GPC5: variants seen among roughly 807,000 people sequenced by gnomAD.
GPC5 encodes the protein glypican 5.
A neutral mutation model predicts 53.9 loss-of-function variants in GPC5; 47 were observed. The ratio of observed to expected loss-of-function variants is 0.87; its 90% confidence interval spans 0.69 to 1.11. The LOEUF is 1.11. Among genes scored for constraint, GPC5 ranks in the 50% most tolerant of loss-of-function variants. The pLI is 0.00. For missense variants in GPC5, 748 were observed against 713.1 expected (o/e 1.05, Z -0.56); for synonymous variants, 286 against 263.3 (o/e 1.09, Z -0.84).
rs566035405 is a variant in GPC5, at chr13:92,597,925, T to A, written c.1562-268357T>A. Among the ~76,000 whole-genome samples, 4 of 152,326 alleles carry A rather than the reference T, an allele frequency of 2.6e-5. No homozygotes were observed. In the South Asian group the frequency reaches 8.3e-4, roughly 32 times the overall value. On this transcript the variant is annotated intron_variant, in intron 7 of 7. Transcript: ENST00000377067. The stretch of plus-strand genomic sequence containing the variant: ...TTCAGTAGTGCTGAATATAGCTCTA[T>A]TGCTGTGTTCCCTTGAGAGCTTCCA...
At chr13:91,923,597 TA>T (rs2039738683) in intron 6 of GPC5, among the ~76,000 whole-genome samples, 1 of 141,102 alleles carries the variant, frequency 7.1e-6, no homozygotes, top group South Asian at 2.3e-4. Context: ...AGTTTTGCAT[TA>T]TATGTTTCAC....
intron 7 of GPC5, among the ~76,000 whole-genome samples, chr13:92,753,149 G>A (rs1874666106): frequency 6.6e-6 from 1 of 152,164 alleles, no homozygotes; most frequent in South Asian, 2.1e-4. Context: ...CTGAGAATGG[G>A]CAGACTGCCT....
chr13:92,327,678 A>G (rs1392453332), intron 7 of GPC5, among the ~76,000 whole-genome samples: 1 of 152,180 alleles, frequency 6.6e-6, no homozygotes, highest in Non-Finnish European at 1.5e-5. Flanking sequence ...ATCACTGTGA[A>G]TCACTGACAT....
intron 7 of GPC5, among the ~76,000 whole-genome samples, chr13:92,679,307 A>G (rs567143127): frequency 1.2e-4 from 18 of 152,172 alleles, no homozygotes; most frequent in Non-Finnish European, 2.6e-4. Flanking sequence ...CAGATGTCTG[A>G]CCTCAGTAGG....
intron 6 of GPC5, among the ~76,000 whole-genome samples, chr13:92,050,495 A>G (rs1417241635): frequency 1.3e-5 from 2 of 152,174 alleles, no homozygotes; most frequent in Non-Finnish European, 2.9e-5. Context: ...GAATCTGAAC[A>G]TGCAAAAAGA....
chr13:92,161,605 A>G (rs561546398), intron 7 of GPC5, among the ~76,000 whole-genome samples: 1 of 152,302 alleles, frequency 6.6e-6, no homozygotes, highest in South Asian at 2.1e-4. Flanking sequence ...AATCATTGGT[A>G]CTTGTGAATT....
chr13:91,517,136 C>T (rs1885548911), intron 2 of GPC5, among the ~76,000 whole-genome samples: 1 of 152,122 alleles, frequency 6.6e-6, no homozygotes. Flanking sequence ...AGGCTCCTTG[C>T]TACTTATGCA....
chr13:92,137,577 T>C (rs1253061623), intron 6 of GPC5, among the ~76,000 whole-genome samples: 1 of 152,222 alleles, frequency 6.6e-6, no homozygotes, highest in Non-Finnish European at 1.5e-5. Context: ...TCTCAAATAA[T>C]ACTCACAAAA....
chr13:92,301,669 A>G (rs181481437), intron 7 of GPC5, among the ~76,000 whole-genome samples: 1 of 152,224 alleles, frequency 6.6e-6, no homozygotes, highest in Admixed American at 6.5e-5. Context: ...TATGGATCAC[A>G]TAAGGCCAGT....
chr13:92,354,555 G>A (rs1463453152), intron 7 of GPC5, among the ~76,000 whole-genome samples: 2 of 152,170 alleles, frequency 1.3e-5, no homozygotes. Flanking sequence ...AAGTATTCTA[G>A]TCATTGATGC....
chr13:91,398,650 GGGCGGCGGAGGCGGC>G lies in GPC5; in HGVS notation c.-388_-374del, dbSNP rs753928273. ...CAGGTTAGCTGCTGCGAGCCGAGCC[GGGCGGCGGAGGCGGC>G]GGCGGCGGCGGCAGTGGCGGCAGTG... On this transcript the variant is annotated 5_prime_UTR_variant, in exon 1 of 8. Coordinates refer to ENST00000377067, the MANE Select transcript of GPC5 (RefSeq NM_004466.6). 6.6e-3 allele frequency: 1,013 copies of G among 153,738 alleles called. 5 individuals carry two copies. Among genetic ancestry groups the G allele is most frequent in the Admixed American group, 0.011 (108 of 9,682 alleles). 9.5% of individuals were successfully genotyped at this position (153,738 alleles called of 1,614,324 possible). A position where few individuals can be genotyped will look rare whatever the true frequency, so the allele number is the denominator to read the frequency against.
chr13:92,864,844 A>G (rs1241561131), intron 7 of GPC5, among the ~76,000 whole-genome samples: 1 of 152,172 alleles, frequency 6.6e-6, no homozygotes, highest in Non-Finnish European at 1.5e-5. Flanking sequence ...AATGCAGCAC[A>G]GCTTATCTTC....
chr13:92,418,698 C>CT (rs1425773031), intron 7 of GPC5, among the ~76,000 whole-genome samples: 1 of 152,116 alleles, frequency 6.6e-6, no homozygotes, highest in East Asian at 1.9e-4. Context: ...TGAATTTAGT[C>CT]TGAGTCTCTC....
chr13:91,447,293 C>CA (rs764685627), intron 1 of GPC5, among the ~76,000 whole-genome samples: 3 of 150,608 alleles, frequency 2.0e-5, no homozygotes, highest in Non-Finnish European at 4.4e-5. Flanking sequence ...GCTAATTCCT[C>CA]AATCCTTCAA....
chr13:92,639,847 A>G (rs1885529652), intron 7 of GPC5, among the ~76,000 whole-genome samples: 1 of 152,170 alleles, frequency 6.6e-6, no homozygotes, highest in Non-Finnish European at 1.5e-5. Context: ...TAGCATTTGA[A>G]CAGAAAACAT....
At chr13:91,842,627 G>A (rs1037036835) in intron 5 of GPC5, among the ~76,000 whole-genome samples, 1 of 140,834 alleles carries the variant, frequency 7.1e-6, no homozygotes, top group Non-Finnish European at 1.5e-5. Flanking sequence ...GCATGAACCT[G>A]GGAGGCGGAG....
At chr13:91,952,890 C>T (rs991265867) in intron 6 of GPC5, among the ~76,000 whole-genome samples, 7 of 152,084 alleles carry the variant, frequency 4.6e-5, no homozygotes, top group African/African-American at 1.7e-4. Context: ...ATGTATTACT[C>T]TGTTTTGTAT....
At chr13:91,906,295 A>G (rs1246527158) in intron 5 of GPC5, among the ~76,000 whole-genome samples, 1 of 151,898 alleles carries the variant, frequency 6.6e-6, no homozygotes, top group Non-Finnish European at 1.5e-5. Flanking sequence ...TCTTACCTCA[A>G]TACATCAAAG....
At chr13:92,200,376 C>G (rs964790450) in intron 7 of GPC5, among the ~76,000 whole-genome samples, 1 of 152,190 alleles carries the variant, frequency 6.6e-6, no homozygotes, top group African/African-American at 2.4e-5. Context: ...ATTTGCTAAG[C>G]ACACATTTGT....
Sources: allele counts gnomAD v4.1 joint callset (sites outside exome capture counted in the v4.1 genomes callset), GRCh38; gene constraint gnomAD v4.1.1; transcripts MANE v1.5; gene names NCBI Gene and HGNC (gene_info 2026-07-23, HGNC 2026-07-21).